Variants in PRKN observed in about 807,000 individuals in gnomAD.
The protein encoded by PRKN is E3 ubiquitin-protein ligase parkin.
A neutral mutation model predicts 59.5 loss-of-function variants in PRKN; 56 were observed. The ratio of observed to expected loss-of-function variants is 0.94; its 90% CI spans 0.76 to 1.18. The LOEUF is 1.18. Ranked by LOEUF, PRKN falls within the 50% of genes most tolerant of loss-of-function variation. PRKN has a pLI of 0.00. For synonymous variants in PRKN, 250 were observed against 222.1 expected (o/e 1.13, Z -1.12); for missense variants, 657 against 596.4 (o/e 1.10, Z -1.06).
rs373983861 is a variant in PRKN, at chr6:162,370,308, T to C, written c.171+73002A>G. ...GATATATCTCATTGACCCTTTCGAA[T>C]TCAGAGATTTTTTTTTAATATAGAA... On this transcript the variant is annotated intron_variant, in intron 2 of 11. Transcript: ENST00000366898. 3.9e-5 allele frequency among the ~76,000 whole-genome samples: 6 copies of C among 152,064 alleles called. No homozygotes were observed. In the East Asian group the frequency reaches 5.8e-4, roughly 15 times the overall value.
At chr6:162,381,327 T>C (rs1443016572) in intron 2 of PRKN, among the ~76,000 whole-genome samples, 1 of 152,194 alleles carries the variant, frequency 6.6e-6, no homozygotes, top group Non-Finnish European at 1.5e-5. Context: ...CTTTCAGTAA[T>C]GTAAAAAATT....
chr6:162,434,574 T>C (rs535551857), intron 2 of PRKN, among the ~76,000 whole-genome samples: 1 of 152,344 alleles, frequency 6.6e-6, no homozygotes, highest in East Asian at 1.9e-4. Context: ...TTGTGTTTTC[T>C]GTGTCTTATG....
chr6:161,805,559 T>A (rs1226695808), intron 6 of PRKN, among the ~76,000 whole-genome samples: 1 of 152,130 alleles, frequency 6.6e-6, no homozygotes, highest in Non-Finnish European at 1.5e-5. Context: ...GTCTTTACTA[T>A]TTCCTGTTGC....
intron 6 of PRKN, among the ~76,000 whole-genome samples, chr6:161,859,319 C>T (rs78109640): frequency 0.018 from 2,739 of 151,996 alleles, 85 homozygotes; most frequent in East Asian, 0.13. Context: ...GAAATGAGAA[C>T]GCAGGCCAGA....
chr6:161,755,453 T>C (rs1286254759), intron 7 of PRKN, among the ~76,000 whole-genome samples: 1 of 152,066 alleles, frequency 6.6e-6, no homozygotes, highest in African/African-American at 2.4e-5. Context: ...CTCAGTAATA[T>C]CGAAGGGTTA....
intron 4 of PRKN, among the ~76,000 whole-genome samples, chr6:162,168,187 A>C (rs1479011831): frequency 6.6e-6 from 1 of 152,152 alleles, no homozygotes; most frequent in Non-Finnish European, 1.5e-5. Context: ...TATCCTTGTA[A>C]GACGAATTTC....
chr6:161,732,576 C>T (rs75381489), intron 7 of PRKN, among the ~76,000 whole-genome samples: 14,745 of 151,836 alleles, frequency 0.097, 1,365 homozygotes, highest in African/African-American at 0.24. Context: ...AAGATGCATA[C>T]AGTGTACACG....
chr6:161,735,740 C>T (rs1411369699), intron 7 of PRKN, among the ~76,000 whole-genome samples: 2 of 152,084 alleles, frequency 1.3e-5, no homozygotes, highest in African/African-American at 4.8e-5. Context: ...CATGGTGAAA[C>T]TCCATCTCTA....
At chr6:161,818,581 G>A (rs1383044729) in intron 6 of PRKN, among the ~76,000 whole-genome samples, 1 of 152,000 alleles carries the variant, frequency 6.6e-6, no homozygotes, top group Non-Finnish European at 1.5e-5. Context: ...CGATCCTCCT[G>A]CGTTGGACTC....
intron 5 of PRKN, among the ~76,000 whole-genome samples, chr6:162,033,670 A>G (rs995362015): frequency 3.3e-5 from 5 of 152,176 alleles, no homozygotes; most frequent in African/African-American, 1.2e-4. Flanking sequence ...TAGTTAAAGC[A>G]TGATTTTTTA....
At position 162,023,294 on chromosome 6, in the gene PRKN, C is replaced by G. The variant is rs78993593; in HGVS notation, c.618+30797G>C. ...CTCAATTAGAGCGTCTACCTTGTTACAAGGACAGAGGGCTTTCTGTATCCC... is the reference window on the plus strand; with the variant it reads ...CTCAATTAGAGCGTCTACCTTGTTAGAAGGACAGAGGGCTTTCTGTATCCC... On this transcript the variant is annotated intron_variant, in intron 5 of 11. Coordinates refer to ENST00000366898, the MANE Select transcript of PRKN (RefSeq NM_004562.3). Among the ~76,000 whole-genome samples the G allele has an allele frequency of 3.8e-3, 580 of 152,226 alleles. 2 individuals carry two copies. Among genetic ancestry groups the G allele is most frequent in the Middle Eastern group, 0.014 (4 of 294 alleles).
intron 7 of PRKN, among the ~76,000 whole-genome samples, chr6:161,751,615 A>G (rs535449299): frequency 1.3e-5 from 2 of 152,360 alleles, no homozygotes; most frequent in East Asian, 3.9e-4. Flanking sequence ...CTTGTCTTAC[A>G]TAATCCAAGT....
At chr6:162,535,519 A>G (rs1778679597) in intron 1 of PRKN, among the ~76,000 whole-genome samples, 1 of 152,124 alleles carries the variant, frequency 6.6e-6, no homozygotes, top group Non-Finnish European at 1.5e-5. Context: ...GTGTCTATAT[A>G]TATATAAATC....
chr6:162,619,618 T>C (rs1583920479), intron 1 of PRKN, among the ~76,000 whole-genome samples: 2 of 152,318 alleles, frequency 1.3e-5, no homozygotes, highest in East Asian at 1.9e-4. Flanking sequence ...TGGACATTTT[T>C]GTGTTCTTAG....
chr6:162,284,198 T>C (rs115554718), intron 2 of PRKN, among the ~76,000 whole-genome samples: 3,305 of 149,700 alleles, frequency 0.022, 128 homozygotes, highest in African/African-American at 0.078. Flanking sequence ...TATATTTATG[T>C]ATTGTGTTAT....
At position 162,696,710 on chromosome 6, in the gene PRKN, A is replaced by C. The variant is rs117535530; in HGVS notation, c.7+30952T>G. Among the ~76,000 whole-genome samples, 383 of 151,546 alleles carry C rather than the reference A, an allele frequency of 2.5e-3. 1 individual carries two copies. The highest frequency in any genetic ancestry group is 4.3e-3 in the Non-Finnish European group (292 of 67,898). The stretch of plus-strand genomic sequence containing the variant: ...AGGTGTGTGCCACCATGCCCAGCTA[A>C]TTTTTTTAAATCTTTTGTAGAGATG... On this transcript the variant is annotated intron_variant, in intron 1 of 11. Coordinates refer to ENST00000366898, the MANE Select transcript of PRKN (RefSeq NM_004562.3).
intron 2 of PRKN, among the ~76,000 whole-genome samples, chr6:162,363,758 A>G (rs1785275072): frequency 6.6e-6 from 1 of 152,214 alleles, no homozygotes; most frequent in Non-Finnish European, 1.5e-5. Flanking sequence ...TGGGAGATAC[A>G]GTCCTCTTTG....
At chr6:161,760,946 C>T (rs1226410138) in intron 7 of PRKN, among the ~76,000 whole-genome samples, 2 of 152,330 alleles carry the variant, frequency 1.3e-5, no homozygotes, top group South Asian at 2.1e-4. Context: ...TGCAACTTCG[C>T]TGGCCACAAT....
Position 162,378,493 on chromosome 6 carries a change from G to A in PRKN, c.171+64817C>T, listed in dbSNP as rs574104070. 3.4e-4 allele frequency among the ~76,000 whole-genome samples: 52 copies of A among 152,220 alleles called. 1 individual carries two copies. The highest frequency in any genetic ancestry group is 6.0e-4 in the Non-Finnish European group (41 of 68,034). On this transcript the variant is annotated intron_variant, in intron 2 of 11. Transcript: ENST00000366898. ...GATGTTTCTATGTAAGAAGAGCAACGTCATCAGCAAAAGCAATTTCCCACT... is the reference window on the plus strand; with the variant it reads ...GATGTTTCTATGTAAGAAGAGCAACATCATCAGCAAAAGCAATTTCCCACT...
Sources: gnomAD v4.1 joint callset for allele counts (sites outside exome capture counted in the v4.1 genomes callset) on GRCh38, gnomAD v4.1.1 for gene constraint, MANE v1.5 for transcripts, NCBI Gene and HGNC (gene_info 2026-07-23, HGNC 2026-07-21) for gene names.